SEC24A: variants seen among roughly 807,000 people sequenced by gnomAD.
SEC24A encodes the protein SEC24 homolog A, COPII component.
Under a neutral mutation model 129.4 loss-of-function variants are expected in SEC24A, and 93 were observed. The observed-to-expected ratio is 0.72, with a 90% CI of 0.61 to 0.85. The LOEUF (loss-of-function observed/expected upper bound fraction) is 0.85, where lower values mean the gene tolerates loss of function less well. SEC24A is among the 40% of genes least tolerant of loss of function. SEC24A has a pLI of 0.00. For synonymous variants in SEC24A, 460 were observed against 467.3 expected, an observed-to-expected ratio of 0.98 and a Z score of 0.20; for missense variants, 1,264 against 1,307.4, an observed-to-expected ratio of 0.97 and a Z score of 0.51.
At position 134,674,654 on chromosome 5, in the gene SEC24A, G is replaced by T. The variant is rs753302522; in HGVS notation, c.857G>T (p.Arg286Leu). The T allele has an allele frequency of 6.2e-7, 1 of 1,613,554 alleles. No individual in the cohort carries two copies. Among genetic ancestry groups the T allele is most frequent in the Non-Finnish European group, 8.5e-7 (1 of 1,179,684 alleles). Residue 286 changes from arginine (R) to leucine (L), a missense_variant, in exon 5 of 23, where the codon CGA (arginine) becomes CTA (leucine). Coordinates refer to ENST00000398844, the MANE Select transcript of SEC24A (RefSeq NM_021982.3). Reference sequence around the variant, plus strand: ...ACTAACAAGAATCCCAAAATGAGCCGAAGTGTTGGATATTCATATCCCTCC... The same window carrying T: ...ACTAACAAGAATCCCAAAATGAGCCTAAGTGTTGGATATTCATATCCCTCC... ...QLTNKNPKMS[R>L]SVGYSYPSLP...
chr5:134,703,350 C>G (rs1447008583), intron 15 of SEC24A, among the ~76,000 whole-genome samples: 1 of 152,080 alleles, frequency 6.6e-6, no homozygotes, highest in Non-Finnish European at 1.5e-5. Context: ...TCACTGCAAC[C>G]TCTGCCTCCC....
chr5:134,671,913 T>TA (rs2150080077), intron 4 of SEC24A, 27 bp downstream of exon 4: 1 of 1,372,508 alleles, frequency 7.3e-7, no homozygotes, highest in Non-Finnish European at 1.0e-6. Context: ...GTTTTTTTTT[T>TA]AATCTCTTTT....
At chr5:134,714,088 G>C (rs910847292) in intron 18 of SEC24A, among the ~76,000 whole-genome samples, 2 of 151,480 alleles carry the variant, frequency 1.3e-5, no homozygotes, top group African/African-American at 2.4e-5. Flanking sequence ...ATTTTTATCT[G>C]TGTAAAGAAA....
chr5:134,708,295 C>G (rs969173265), intron 17 of SEC24A, among the ~76,000 whole-genome samples: 3 of 152,166 alleles, frequency 2.0e-5, no homozygotes, highest in East Asian at 1.9e-4. Flanking sequence ...CATAGGGAGA[C>G]TTGGTACAAA....
At chr5:134,670,780 G>A (rs1750828000) in intron 3 of SEC24A, among the ~76,000 whole-genome samples, 1 of 152,092 alleles carries the variant, frequency 6.6e-6, no homozygotes, top group South Asian at 2.1e-4. Context: ...ACGAGGCCAG[G>A]AGTTTGAGAC....
chr5:134,683,454 C>T (rs111285449), intron 9 of SEC24A, among the ~76,000 whole-genome samples: 1,759 of 152,160 alleles, frequency 0.012, 12 homozygotes, highest in Middle Eastern at 0.041. Flanking sequence ...TTTCTACACC[C>T]GTGAGAATAT....
Position 134,688,216 on chromosome 5 carries a change from T to A in SEC24A, c.1640T>A (p.Ile547Lys). ...AACACTAGAACAAAAATTGGCTTCA[T>A]AACATTTGACAGTACAATCCATTTC... is the stretch of plus-strand genomic sequence containing the variant. ...PGNTRTKIGFITFDSTIHFYG... is the reference protein window; with the variant it reads ...PGNTRTKIGFKTFDSTIHFYG... Residue 547 changes from isoleucine to lysine, a missense_variant, in exon 11 of 23, where the codon ATA becomes AAA. Transcript: ENST00000398844. The A allele has an allele frequency of 6.2e-7, 1 of 1,613,166 alleles. No homozygotes were observed. The highest frequency in any genetic ancestry group is 8.5e-7 in the Non-Finnish European group (1 of 1,179,306).
At position 134,679,441 on chromosome 5, in the gene SEC24A, A is replaced by G. The variant is rs552113420; in HGVS notation, c.1255-161A>G. Among the ~76,000 whole-genome samples, 23 of 152,244 alleles carry G rather than the reference A, an allele frequency of 1.5e-4. No individual in the cohort carries two copies. In the South Asian group the frequency reaches 4.6e-3, roughly 30 times the overall value. ...GGTTTAAAATTAATACATTTCAACT[A>G]CATGGTTTTTGTGTATGGCAGTTTA... On this transcript the variant is annotated intron_variant, in intron 7 of 22. Transcript: ENST00000398844.
chr5:134,726,825 TTAG>T lies in SEC24A; in HGVS notation c.*1737_*1739del, dbSNP rs1414184656. The stretch of plus-strand genomic sequence containing the variant: ...AATGGAGTTATTTGTAGGTCCTTTC[TTAG>T]TAGTAAAGAATCTTCTAGAGGGAAA... On this transcript the variant is annotated 3_prime_UTR_variant, in exon 23 of 23. Coordinates refer to ENST00000398844, the MANE Select transcript of SEC24A (RefSeq NM_021982.3). The T allele has an allele frequency of 6.6e-6, 1 of 152,176 alleles. No homozygotes were observed. Among genetic ancestry groups the T allele is most frequent in the Non-Finnish European group, 1.5e-5 (1 of 68,008 alleles). The allele number at this position is 152,176 out of a possible 1,614,324, so 9.4% of individuals were successfully genotyped here.
chr5:134,724,658 A>G (rs1752717358), intron 22 of SEC24A, among the ~76,000 whole-genome samples: 1 of 151,764 alleles, frequency 6.6e-6, no homozygotes, highest in Non-Finnish European at 1.5e-5. Flanking sequence ...CCATTCAGTT[A>G]TTTCCATATC....
chr5:134,699,301 C>CTTTTTTTTTTTTTTTTTTTTTTTTT lies in SEC24A; in HGVS notation c.2266+1257_2266+1258insTTTTTTTTTTTTTTTTTTTTTTTTT, dbSNP rs1208203003. ...ATAACATAAGCTTTACCATTTTATC[C>CTTTTTTTTTTTTTTTTTTTTTTTTT]TTTTTTTTTTTTTGAGACGGACTGT... On this transcript the variant is annotated intron_variant, in intron 15 of 22. Coordinates refer to ENST00000398844, the MANE Select transcript of SEC24A (RefSeq NM_021982.3). Among the ~76,000 whole-genome samples the CTTTTTTTTTTTTTTTTTTTTTTTTT allele has an allele frequency of 2.0e-4, 27 of 138,412 alleles. 1 individual carries two copies. The highest frequency in any genetic ancestry group is 7.2e-4 in the African/African-American group (26 of 36,250). The allele number at this position is 138,412 out of a possible 152,430, so 90.8% of individuals were successfully genotyped here.
intron 15 of SEC24A, among the ~76,000 whole-genome samples, chr5:134,703,460 G>A (rs1250497181): frequency 3.9e-5 from 6 of 152,042 alleles, no homozygotes; most frequent in Admixed American, 1.3e-4. Context: ...TAGAGACAGG[G>A]TTTCACCATG....
intron 16 of SEC24A, 118 bp from the exon 17 acceptor site, chr5:134,705,208 TG>T: frequency 1.6e-6 from 1 of 615,646 alleles, no homozygotes. Context: ...CTGGAGTAGG[TG>T]GGACTACAGG....
At chr5:134,670,584 T>A (rs1750821224) in intron 3 of SEC24A, among the ~76,000 whole-genome samples, 1 of 152,220 alleles carries the variant, frequency 6.6e-6, no homozygotes, top group South Asian at 2.1e-4. Context: ...GGAGAAGAGA[T>A]GTTAAGATTT....
intron 7 of SEC24A, 75 bp downstream of exon 7, chr5:134,676,200 C>T (rs555885057): frequency 5.9e-5 from 63 of 1,074,342 alleles, no homozygotes; most frequent in South Asian, 4.5e-4. Flanking sequence ...AGTGCAGTGA[C>T]GCAGTCTCAG....
intron 19 of SEC24A, among the ~76,000 whole-genome samples, chr5:134,715,852 A>T (rs199894556): frequency 6.3e-3 from 1 of 158 alleles, no homozygotes; most frequent in Middle Eastern, 0.5. Flanking sequence ...TTAAAGTATT[A>T]AAAAAAAAAA....
At chr5:134,699,301 C>CGTTTTTTTTTTTTTTTTT (rs1429369613) in intron 15 of SEC24A, among the ~76,000 whole-genome samples, 4 of 138,424 alleles carry the variant, frequency 2.9e-5, no homozygotes, top group African/African-American at 1.1e-4. Flanking sequence ...CCATTTTATC[C>CGTTTTTTTTTTTTTTTTT]TTTTTTTTTT....
chr5:134,716,483 AAAAC>A (rs1396401122), intron 19 of SEC24A, among the ~76,000 whole-genome samples: 1 of 151,302 alleles, frequency 6.6e-6, no homozygotes, highest in African/African-American at 2.4e-5. Context: ...AAAAAAAAAA[AAAAC>A]CTTTGAAAAT....
At position 134,674,694 on chromosome 5, in the gene SEC24A, T is replaced by C. The variant is rs564832763; in HGVS notation, c.897T>C (p.Tyr299=). Residue 299 remains tyrosine, a synonymous_variant, in exon 5 of 23, where the codon TAT becomes TAC. Transcript: ENST00000398844. ...GYSYPSLPPG[Y]QNTTPPGATG... ...CATATCCCTCCTTACCACCTGGTTA[T>C]CAGAACACAACACCACCTGGTGCAA... The C allele has an allele frequency of 6.8e-6, 11 of 1,613,998 alleles. No individual in the cohort carries two copies. Among genetic ancestry groups the C allele is most frequent in the Non-Finnish European group, 9.3e-6 (11 of 1,179,972 alleles).
Sources: allele counts gnomAD v4.1 joint callset (sites outside exome capture counted in the v4.1 genomes callset), GRCh38; gene constraint gnomAD v4.1.1; transcripts MANE v1.5; gene names NCBI Gene and HGNC (gene_info 2026-07-23, HGNC 2026-07-21).